The following DCC variants were observed in gnomAD, a reference collection of about 807,000 sequenced individuals.
The protein encoded by DCC is netrin receptor DCC.
Under a neutral mutation model 172.5 loss-of-function variants are expected in DCC, and 58 were observed. That is an observed-to-expected ratio of 0.34 (90% CI 0.27 to 0.42). The LOEUF is 0.42. Ranked by LOEUF, DCC falls within the 10% of genes least tolerant of loss-of-function variation. The pLI, the probability that DCC is intolerant of heterozygous loss-of-function variation, is 1.00. For missense variants in DCC, 1,740 were observed against 1,791.0 expected (o/e 0.97, Z 0.51); for synonymous variants, 709 against 644.5 (o/e 1.10, Z -1.52).
At chr18:52,783,961 T>C (rs1337667691) in intron 2 of DCC, among the ~76,000 whole-genome samples, 1 of 152,064 alleles carries the variant, frequency 6.6e-6, no homozygotes, top group Non-Finnish European at 1.5e-5. Context: ...TTTTGACTCT[T>C]CTAACTTTAA....
chr18:53,247,549 A>G (rs1246871281), intron 12 of DCC, among the ~76,000 whole-genome samples: 2 of 149,052 alleles, frequency 1.3e-5, no homozygotes, highest in Non-Finnish European at 1.5e-5. Context: ...AAAGAGAAAA[A>G]TAATGTCATG....
chr18:52,353,479 C>T (rs191009021), intron 1 of DCC, among the ~76,000 whole-genome samples: 1 of 152,154 alleles, frequency 6.6e-6, no homozygotes, highest in Admixed American at 6.5e-5. Context: ...CACACATGCT[C>T]AAAGTGAGAC....
At chr18:52,980,774 G>T (rs896698704) in intron 5 of DCC, among the ~76,000 whole-genome samples, 2 of 151,892 alleles carry the variant, frequency 1.3e-5, no homozygotes, top group Non-Finnish European at 2.9e-5. Flanking sequence ...AAAACTTGTT[G>T]GTTGGTGAAG....
At chr18:53,103,440 T>C (rs1372133904) in intron 7 of DCC, among the ~76,000 whole-genome samples, 2 of 152,070 alleles carry the variant, frequency 1.3e-5, no homozygotes, top group African/African-American at 4.8e-5. Flanking sequence ...GGCATGATCA[T>C]GACTCAGTGC....
chr18:52,722,130 T>C (rs2036482559), intron 1 of DCC, among the ~76,000 whole-genome samples: 1 of 152,190 alleles, frequency 6.6e-6, no homozygotes, highest in African/African-American at 2.4e-5. Context: ...TAAAGAGCTC[T>C]AGAATTCTAA....
chr18:52,527,130 A>G (rs1305915747), intron 1 of DCC, among the ~76,000 whole-genome samples: 6 of 152,226 alleles, frequency 3.9e-5, no homozygotes, highest in Non-Finnish European at 5.9e-5. Flanking sequence ...AAAGAGCCAC[A>G]TTACAAATGA....
intron 1 of DCC, among the ~76,000 whole-genome samples, chr18:52,501,151 T>A (rs1014594506): frequency 6.6e-6 from 1 of 152,284 alleles, no homozygotes; most frequent in Middle Eastern, 3.4e-3. Context: ...ATATTAGAGA[T>A]TTTGCTCATC....
At chr18:53,073,911 A>T (rs2042689070) in intron 7 of DCC, among the ~76,000 whole-genome samples, 1 of 151,132 alleles carries the variant, frequency 6.6e-6, no homozygotes. Context: ...TATATATTAT[A>T]ATATAATTAC....
intron 26 of DCC, among the ~76,000 whole-genome samples, chr18:53,489,306 G>A (rs1412765125): frequency 6.6e-6 from 1 of 152,116 alleles, no homozygotes; most frequent in Non-Finnish European, 1.5e-5. Flanking sequence ...TATGCACAAT[G>A]CAAAGCAACT....
chr18:53,311,031 T>G (rs570385068), intron 13 of DCC, among the ~76,000 whole-genome samples: 94 of 110,108 alleles, frequency 8.5e-4, no homozygotes, highest in African/African-American at 2.1e-3. Flanking sequence ...GAGATTGAAC[T>G]TTATGATCCT....
intron 2 of DCC, among the ~76,000 whole-genome samples, chr18:52,791,467 GTTTTGTTTTTT>G (rs775282393): frequency 1.5e-4 from 22 of 148,306 alleles, no homozygotes; most frequent in Non-Finnish European, 2.4e-4. Context: ...TGTTTTTTGT[GTTTTGTTTTTT>G]TTTTGTTTTT....
intron 1 of DCC, among the ~76,000 whole-genome samples, chr18:52,430,499 T>G (rs1041101948): frequency 1.3e-5 from 2 of 152,126 alleles, no homozygotes; most frequent in Admixed American, 1.3e-4. Context: ...TGATTCTGTT[T>G]GCTAGGGAAG....
chr18:52,773,532 A>ATCTG (rs1393613060), intron 2 of DCC, among the ~76,000 whole-genome samples: 2 of 151,330 alleles, frequency 1.3e-5, no homozygotes, highest in Non-Finnish European at 3.0e-5. Flanking sequence ...TTATCTATCT[A>ATCTG]TCTATATATT....
Position 52,989,192 on chromosome 18 carries a change from GACC to G in DCC, c.985+63825_985+63827del, listed in dbSNP as rs568664663. Among the ~76,000 whole-genome samples, 313 of 151,890 alleles carry G rather than the reference GACC, an allele frequency of 2.1e-3. 1 individual carries two copies. Among genetic ancestry groups the G allele is most frequent in the African/African-American group, 7.2e-3 (300 of 41,456 alleles). On this transcript the variant is annotated intron_variant, in intron 5 of 28. Coordinates refer to ENST00000442544, the MANE Select transcript of DCC (RefSeq NM_005215.4). The stretch of plus-strand genomic sequence containing the variant: ...ATAGTTTTTTAATCTTCAGAATTTT[GACC>G]ACAATTTTATTTATTAAAAAATATA...
intron 5 of DCC, among the ~76,000 whole-genome samples, chr18:52,964,678 G>T (rs990540342): frequency 1.3e-5 from 2 of 152,060 alleles, no homozygotes; most frequent in African/African-American, 4.8e-5. Flanking sequence ...CTTAAAATTT[G>T]CTTAGAATGT....
chr18:53,170,110 C>T (rs2054989741), intron 8 of DCC, among the ~76,000 whole-genome samples: 1 of 152,124 alleles, frequency 6.6e-6, no homozygotes, highest in Non-Finnish European at 1.5e-5. Context: ...GCAGGAAATA[C>T]CATTTTCTCA....
At chr18:53,219,317 A>G (rs1277619547) in intron 12 of DCC, among the ~76,000 whole-genome samples, 2 of 152,078 alleles carry the variant, frequency 1.3e-5, no homozygotes, top group East Asian at 3.8e-4. Flanking sequence ...TCTAACCATT[A>G]TACCTTTTCT....
chr18:53,295,755 GA>G (rs986101837), intron 12 of DCC, among the ~76,000 whole-genome samples: 26 of 152,096 alleles, frequency 1.7e-4, no homozygotes, highest in Admixed American at 1.1e-3. Context: ...TTTTCTTTTG[GA>G]AAGTGGATTA....
chr18:52,381,323 A>G (rs1370167593), intron 1 of DCC, among the ~76,000 whole-genome samples: 1 of 152,156 alleles, frequency 6.6e-6, no homozygotes, highest in Non-Finnish European at 1.5e-5. Context: ...TTAGAAAGAA[A>G]GGACAATTTT....
Sources: gnomAD v4.1 joint callset for allele counts (sites outside exome capture counted in the v4.1 genomes callset) on GRCh38, gnomAD v4.1.1 for gene constraint, MANE v1.5 for transcripts, NCBI Gene and HGNC (gene_info 2026-07-23, HGNC 2026-07-21) for gene names.